Variants in ERICH1 observed in about 807,000 individuals in gnomAD.
ERICH1 encodes glutamate-rich protein 1.
Under a neutral mutation model 39.6 loss-of-function variants are expected in ERICH1, and 56 were observed. That is an observed-to-expected ratio of 1.41 (90% CI 1.14 to 1.77). ERICH1 has a LOEUF of 1.77. ERICH1 is among the 40% of genes most tolerant of loss of function. The probability of loss-of-function intolerance (pLI) is 0.00; values close to 1 mark genes in which losing one functional copy is unlikely to be tolerated. For synonymous variants in ERICH1, 313 were observed against 223.6 expected (o/e 1.40, Z -3.57); for missense variants, 826 against 575.4 (o/e 1.44, Z -4.45).
intron 2 of ERICH1, among the ~76,000 whole-genome samples, chr8:715,485 G>A (rs1815705287): frequency 6.6e-6 from 1 of 152,240 alleles, no homozygotes; most frequent in Non-Finnish European, 1.5e-5. Flanking sequence ...GTCCCTGAGT[G>A]GGCACAAGCC....
intron 3 of ERICH1, among the ~76,000 whole-genome samples, chr8:658,146 C>A (rs1404506051): frequency 1.3e-5 from 2 of 152,242 alleles, no homozygotes; most frequent in Admixed American, 1.3e-4. Context: ...TCTTTGGCTT[C>A]CAGGGCTTCG....
At chr8:692,734 A>C in intron 2 of ERICH1, 122 bp from the exon 3 acceptor site, 38 of 1,169,818 alleles carry the variant, frequency 3.2e-5, no homozygotes, top group Non-Finnish European at 3.7e-5. Flanking sequence ...CAAAGAGCTC[A>C]ATAAAACCTA....
chr8:632,683 C>A (rs568438946), intron 3 of ERICH1, among the ~76,000 whole-genome samples: 1 of 152,228 alleles, frequency 6.6e-6, no homozygotes, highest in Non-Finnish European at 1.5e-5. Flanking sequence ...CCACAAGCCA[C>A]GGACACGCTC....
intron 1 of ERICH1, among the ~76,000 whole-genome samples, chr8:730,246 G>A (rs1819667744): frequency 6.6e-6 from 1 of 152,218 alleles, no homozygotes; most frequent in African/African-American, 2.4e-5. Context: ...CACGTGCAGT[G>A]TGTCCCTGAA....
chr8:693,352 T>A (rs901512772), intron 2 of ERICH1, among the ~76,000 whole-genome samples: 3 of 152,278 alleles, frequency 2.0e-5, no homozygotes, highest in Non-Finnish European at 4.4e-5. Flanking sequence ...AAAATATAAT[T>A]GAGTGAATAC....
intron 1 of ERICH1, among the ~76,000 whole-genome samples, chr8:726,734 A>AGAT (rs1491100435): frequency 3.3e-5 from 5 of 149,646 alleles, no homozygotes; most frequent in Non-Finnish European, 7.5e-5. Context: ...ACAGGCAAAC[A>AGAT]GATATGCATG....
At chr8:693,212 A>G (rs996968736) in intron 2 of ERICH1, among the ~76,000 whole-genome samples, 1 of 152,096 alleles carries the variant, frequency 6.6e-6, no homozygotes, top group Admixed American at 6.6e-5. Context: ...ACAGACACAG[A>G]CATGTACAGA....
intron 3 of ERICH1, among the ~76,000 whole-genome samples, chr8:636,840 C>T (rs1008806771): frequency 5.3e-5 from 8 of 152,376 alleles, no homozygotes; most frequent in African/African-American, 1.9e-4. Context: ...TCCTCCATGA[C>T]TTCCAGGCCA....
At chr8:708,070 A>C (rs930506438) in intron 2 of ERICH1, among the ~76,000 whole-genome samples, 2 of 152,226 alleles carry the variant, frequency 1.3e-5, no homozygotes, top group Admixed American at 1.3e-4. Context: ...AGAAAAATGG[A>C]AAACCACAAT....
At chr8:688,895 C>T (rs1368397528) in intron 3 of ERICH1, among the ~76,000 whole-genome samples, 4 of 152,188 alleles carry the variant, frequency 2.6e-5, no homozygotes, top group African/African-American at 9.7e-5. Context: ...AAGGGAATAC[C>T]TTTCACCTGG....
At chr8:655,660 ATTCCTTCCTTCC>A (rs57152332) in intron 3 of ERICH1, among the ~76,000 whole-genome samples, 36,873 of 142,898 alleles carry the variant, frequency 0.26, 4,988 homozygotes, top group East Asian at 0.41. Flanking sequence ...TGTCCTCTGC[ATTCCTTCCTTCC>A]TTCCTTCCTT....
At chr8:698,001 C>T (rs920256624) in intron 2 of ERICH1, among the ~76,000 whole-genome samples, 7 of 152,092 alleles carry the variant, frequency 4.6e-5, no homozygotes, top group African/African-American at 9.7e-5. Context: ...GGAGAGCTCA[C>T]GGGGGCCACC....
intron 3 of ERICH1, among the ~76,000 whole-genome samples, chr8:643,318 C>T (rs1192532453): frequency 1.3e-5 from 2 of 152,158 alleles, no homozygotes; most frequent in Admixed American, 6.5e-5. Context: ...GGAAGCTGGC[C>T]AGGCGCAGGC....
At chr8:657,293 G>A (rs1800781804) in intron 3 of ERICH1, among the ~76,000 whole-genome samples, 2 of 152,164 alleles carry the variant, frequency 1.3e-5, no homozygotes, top group African/African-American at 2.4e-5. Context: ...GTATTTAAGA[G>A]TTCCGGGAAG....
chr8:726,842 C>G (rs1234358386), intron 1 of ERICH1, among the ~76,000 whole-genome samples: 1 of 151,914 alleles, frequency 6.6e-6, no homozygotes, highest in African/African-American at 2.4e-5. Context: ...AGACACCACA[C>G]AGGCACATAC....
At chr8:726,416 A>G (rs551638845) in intron 1 of ERICH1, among the ~76,000 whole-genome samples, 2 of 152,216 alleles carry the variant, frequency 1.3e-5, no homozygotes, top group African/African-American at 4.8e-5. Context: ...ACACATGTAC[A>G]CCCATGCCAC....
chr8:678,701 C>T (rs548969080), intron 3 of ERICH1, among the ~76,000 whole-genome samples: 5 of 152,118 alleles, frequency 3.3e-5, no homozygotes, highest in African/African-American at 4.8e-5. Flanking sequence ...CCAGCTACTC[C>T]GGAGGCTGAG....
At chr8:615,020 C>T (rs1438951653) in exon 4 of ERICH1, 1 of 435,124 alleles carries the variant, frequency 2.3e-6, no homozygotes, top group East Asian at 3.5e-5. Flanking sequence ...CTCATTCAAG[C>T]CACCTTGGAG....
chr8:631,611 C>G (rs996391198), intron 3 of ERICH1, among the ~76,000 whole-genome samples: 1 of 152,078 alleles, frequency 6.6e-6, no homozygotes, highest in African/African-American at 2.4e-5. Flanking sequence ...GGGGCAATGC[C>G]GAGAGTTTTT....
Sources: gnomAD v4.1 joint callset for allele counts (sites outside exome capture counted in the v4.1 genomes callset) on GRCh38, gnomAD v4.1.1 for gene constraint, MANE v1.5 for transcripts, NCBI Gene and HGNC (gene_info 2026-07-23, HGNC 2026-07-21) for gene names.